Variants in ZNF438 observed in about 807,000 individuals in gnomAD.
ZNF438 encodes zinc finger protein 438.
A neutral mutation model predicts 38.0 loss-of-function variants in ZNF438; 25 were observed. That is an observed-to-expected ratio of 0.66 (90% CI 0.48 to 0.92). The LOEUF (loss-of-function observed/expected upper bound fraction) is 0.92. Ranked by LOEUF, ZNF438 falls within the 40% of genes least tolerant of loss-of-function variation. The pLI, the probability that ZNF438 is intolerant of heterozygous loss-of-function variation, is 0.00. For synonymous variants in ZNF438, 372 were observed against 364.1 expected (o/e 1.02, Z -0.25); for missense variants, 1,007 against 999.6 (o/e 1.01, Z -0.10).
chr10:30,967,288 A>G lies in ZNF438; in HGVS notation c.-191-25637T>C, dbSNP rs180951892. ...CAGTATATACTTTTAAAACCAGAGAAAAAGGAAATAAGTATCTCCCCAACG... is the reference window on the plus strand; with the variant it reads ...CAGTATATACTTTTAAAACCAGAGAGAAAGGAAATAAGTATCTCCCCAACG... On this transcript the variant is annotated intron_variant, in intron 1 of 5. Transcript: ENST00000413025. 2.5e-3 allele frequency among the ~76,000 whole-genome samples: 376 copies of G among 152,318 alleles called. 1 individual carries two copies. The highest frequency in any genetic ancestry group is 8.5e-3 in the African/African-American group (353 of 41,570).
intron 2 of ZNF438, among the ~76,000 whole-genome samples, chr10:30,939,002 G>A (rs2046545513): frequency 6.6e-6 from 1 of 151,984 alleles, no homozygotes; most frequent in Non-Finnish European, 1.5e-5. Flanking sequence ...CACCGTGTTA[G>A]CCAGGATGGT....
At chr10:30,999,283 A>G (rs1297483599) in intron 1 of ZNF438, 2 of 152,118 alleles carry the variant, frequency 1.3e-5, no homozygotes, top group African/African-American at 4.8e-5. Context: ...TCCTTGGGAA[A>G]ATACATCATT....
At chr10:30,902,725 G>C (rs563244023) in intron 3 of ZNF438, among the ~76,000 whole-genome samples, 3 of 152,334 alleles carry the variant, frequency 2.0e-5, no homozygotes, top group Admixed American at 2.0e-4. Context: ...GTCCTCACTA[G>C]ACTCAGGAGC....
upstream of ZNF438, among the ~76,000 whole-genome samples, chr10:31,032,129 G>A (rs2057335096): frequency 6.6e-6 from 1 of 152,254 alleles, no homozygotes; most frequent in Non-Finnish European, 1.5e-5. Context: ...CCTGAAGTCG[G>A]GGTTAGAGGA....
intron 4 of ZNF438, among the ~76,000 whole-genome samples, chr10:30,864,729 T>A (rs1322495152): frequency 6.6e-6 from 1 of 152,192 alleles, no homozygotes; most frequent in Non-Finnish European, 1.5e-5. Context: ...GAAAGAGTCG[T>A]TAGGCCCCAT....
intron 3 of ZNF438, among the ~76,000 whole-genome samples, chr10:30,893,516 T>C (rs1564587680): frequency 6.6e-6 from 1 of 152,166 alleles, no homozygotes; most frequent in South Asian, 2.1e-4. Context: ...CCACATAACA[T>C]AATTAGAGAA....
chr10:30,900,792 T>C (rs1443496943), intron 3 of ZNF438, among the ~76,000 whole-genome samples: 1 of 152,176 alleles, frequency 6.6e-6, no homozygotes, highest in Non-Finnish European at 1.5e-5. Context: ...TTAATGCTCA[T>C]CAATAATAAA....
At chr10:30,860,863 T>A (rs1233933545) in intron 4 of ZNF438, among the ~76,000 whole-genome samples, 2 of 152,180 alleles carry the variant, frequency 1.3e-5, no homozygotes, top group African/African-American at 4.8e-5. Context: ...CCCTAGTAGT[T>A]GTTCAAGAAA....
In ZNF438 at chr10:30,887,022, A is replaced by G. The variant is rs187112406; in HGVS notation, c.-31-9957T>C. ...CCTTCCAGGGCTAGCTAATTCCTAT[A>G]TATTGCAAATGACTCCCCTGTGAGC... On this transcript the variant is annotated intron_variant, in intron 3 of 5. Transcript: ENST00000413025. Among the ~76,000 whole-genome samples the G allele has an allele frequency of 2.7e-3, 412 of 152,300 alleles. 1 individual carries two copies. Among genetic ancestry groups the G allele is most frequent in the African/African-American group, 9.3e-3 (386 of 41,550 alleles).
At chr10:30,862,291 C>A (rs1197008622) in intron 4 of ZNF438, among the ~76,000 whole-genome samples, 2 of 151,976 alleles carry the variant, frequency 1.3e-5, no homozygotes, top group Non-Finnish European at 2.9e-5. Context: ...AAAAATGGGC[C>A]CTTTTTCTTT....
intron 1 of ZNF438, among the ~76,000 whole-genome samples, chr10:30,991,156 C>G (rs1226909006): frequency 1.3e-5 from 2 of 152,178 alleles, no homozygotes; most frequent in African/African-American, 2.4e-5. Flanking sequence ...TTTACTTACT[C>G]GAGAGCTCTA....
chr10:30,970,810 C>T (rs1400293075), intron 1 of ZNF438, among the ~76,000 whole-genome samples: 2 of 152,192 alleles, frequency 1.3e-5, no homozygotes, highest in Non-Finnish European at 2.9e-5. Flanking sequence ...CCAAAATGGA[C>T]ATCATCACAG....
At chr10:30,948,133 G>A (rs12260393) in intron 1 of ZNF438, among the ~76,000 whole-genome samples, 2,655 of 152,162 alleles carry the variant, frequency 0.017, 58 homozygotes, top group African/African-American at 0.06. Context: ...CCCCCAGCAG[G>A]GGCACACCGA....
chr10:30,906,056 T>A (rs772408224), intron 3 of ZNF438, among the ~76,000 whole-genome samples: 4 of 152,200 alleles, frequency 2.6e-5, no homozygotes, highest in South Asian at 2.1e-4. Context: ...ATTCCTTGTA[T>A]TTCCATATTA....
chr10:30,855,106 G>A (rs778876541), intron 4 of ZNF438, among the ~76,000 whole-genome samples: 3 of 152,164 alleles, frequency 2.0e-5, no homozygotes, highest in South Asian at 2.1e-4. Flanking sequence ...GTGCTTCAAC[G>A]GATCTTCAAA....
chr10:30,849,305 A>G, exon 5 of ZNF438: 1 of 1,614,032 alleles, frequency 6.2e-7, no homozygotes, highest in Non-Finnish European at 8.5e-7. Context: ...GTTAAGATCA[A>G]GTTTGGTGGG....
At chr10:30,863,090 TA>T in intron 4 of ZNF438, among the ~76,000 whole-genome samples, 1 of 152,352 alleles carries the variant, frequency 6.6e-6, no homozygotes, top group Admixed American at 6.5e-5. Context: ...TTATGTCAAA[TA>T]GTTCATGATT....
At chr10:30,932,837 G>A (rs944729853) in intron 2 of ZNF438, among the ~76,000 whole-genome samples, 3 of 152,164 alleles carry the variant, frequency 2.0e-5, no homozygotes, top group Non-Finnish European at 4.4e-5. Context: ...CCTCACAAGA[G>A]GAGGAAAATT....
chr10:30,889,769 T>A lies in ZNF438; in HGVS notation c.-31-12704A>T, dbSNP rs189484592. ...TCACCCTTAATTTTCAGGATCATGTTCCTGCCCAATCTCAGGTATGCAATG... is the reference window on the plus strand; with the variant it reads ...TCACCCTTAATTTTCAGGATCATGTACCTGCCCAATCTCAGGTATGCAATG... On this transcript the variant is annotated intron_variant, in intron 3 of 5. Transcript: ENST00000413025. Among the ~76,000 whole-genome samples the A allele has an allele frequency of 2.8e-4, 42 of 152,316 alleles. No homozygotes were observed. The East Asian group carries it at 7.1e-3, about 26-fold the overall frequency.
Sources: gnomAD v4.1 joint callset for allele counts (sites outside exome capture counted in the v4.1 genomes callset) on GRCh38, gnomAD v4.1.1 for gene constraint, MANE v1.5 for transcripts, NCBI Gene and HGNC (gene_info 2026-07-23, HGNC 2026-07-21) for gene names.